The following DVL2 variants were observed in gnomAD, a reference collection of about 807,000 sequenced individuals.
The protein encoded by DVL2 is dishevelled segment polarity protein 2.
A neutral mutation model predicts 69.8 loss-of-function variants in DVL2; 38 were observed. That is an observed-to-expected ratio of 0.54 (90% CI 0.42 to 0.71). The LOEUF is 0.71. Among genes scored for constraint, DVL2 ranks in the 30% least tolerant of loss-of-function variants. The probability of loss-of-function intolerance (pLI) is 0.00; values close to 1 mark genes in which losing one functional copy is unlikely to be tolerated. For synonymous variants in DVL2, 428 were observed against 392.4 expected, an observed-to-expected ratio of 1.09 and a Z score of -1.07; for missense variants, 931 against 1,008.1, an observed-to-expected ratio of 0.92 and a Z score of 1.04.
At position 7,227,419 on chromosome 17, in the gene DVL2, G is replaced by A. The variant is rs2071473997; in HGVS notation, c.1348C>T (p.Pro450Ser). ...CCAGCCATACCCAGAAAGGCATTAG[G>A]GATGGTGATCTTGAGCCACATGCGG... ...RDRMWLKITI[P>S]NAFLGSDVVD... The change falls in exon 12 of 15, where the codon CCT becomes TCT. Residue 450 changes from proline to serine, a missense_variant. Physicochemically the swap from Pro to Ser is moderately conservative, Grantham distance 74. This residue lies in a region of DVL2 where 62 missense variants were observed against 105.7 expected (regional missense o/e 0.59). Coordinates refer to ENST00000005340, the MANE Select transcript of DVL2 (RefSeq NM_004422.3). The A allele has an allele frequency of 1.2e-6, 2 of 1,614,154 alleles. No individual in the cohort carries two copies. The highest frequency in any genetic ancestry group is 1.7e-6 in the Non-Finnish European group (2 of 1,180,006).
In DVL2 at chr17:7,229,342, C is replaced by T. The variant is rs2071505225; in HGVS notation, c.817+36G>A. 1 of 1,613,392 alleles carries T rather than the reference C, an allele frequency of 6.2e-7. No individual in the cohort carries two copies. Among genetic ancestry groups the T allele is most frequent in the African/African-American group, 1.3e-5 (1 of 74,900 alleles). ...GACGCCCGGAACCCTAGAGACCAGG[C>T]CCTCCCCACGCCCTAGCCACAGGCT... On this transcript the variant is annotated intron_variant, in intron 7 of 14. Coordinates refer to ENST00000005340, the MANE Select transcript of DVL2 (RefSeq NM_004422.3). This position sits in a 1 kb window ranked among gnomAD's most constrained non-coding sequence, Gnocchi z 4.4.
Position 7,229,095 on chromosome 17 carries a change from C to T in DVL2, c.957+40G>A, listed in dbSNP as rs746449794. The T allele has an allele frequency of 1.2e-4, 187 of 1,613,944 alleles. No homozygotes were observed. Among genetic ancestry groups the T allele is most frequent in the Non-Finnish European group, 1.4e-4 (170 of 1,179,988 alleles). On this transcript the variant is annotated intron_variant, in intron 8 of 14. Transcript: ENST00000005340. The surrounding 1 kb of genome is among the most constrained non-coding windows in gnomAD (Gnocchi z 4.4). Reference sequence around the variant, plus strand: ...GAGACACGGTGGGAGAGGCTGAGGGCCCCCGTGCAGGGCAGCTCAGTGGCC... The same window carrying T: ...GAGACACGGTGGGAGAGGCTGAGGGTCCCCGTGCAGGGCAGCTCAGTGGCC...
At chr17:7,230,653 T>C in intron 2 of DVL2, 75 bp downstream of exon 2, 1 of 1,488,594 alleles carries the variant, frequency 6.7e-7, no homozygotes, top group Non-Finnish European at 9.2e-7. Flanking sequence ...CTGGGGAGGA[T>C]ACAGAAACAG....
Position 7,227,159 on chromosome 17 carries a change from CG to C in DVL2, c.1473del (p.Val492SerfsTer25). ...TGCTCAGAGAAGGTGATCTTGTTGA[CG>C]GTGTGTCGGATCAGGCCTGCTTTGA... ...GLLKAGLIRH[T>X]VNKITFSEQC... On this transcript the variant is annotated frameshift_variant, in exon 13 of 15. Transcript: ENST00000005340. LOFTEE classifies it high-confidence loss of function. 1 of 1,614,148 alleles carries C rather than the reference CG, an allele frequency of 6.2e-7. No individual in the cohort carries two copies. Among genetic ancestry groups the C allele is most frequent in the Non-Finnish European group, 8.5e-7 (1 of 1,180,028 alleles).
Position 7,226,115 on chromosome 17 carries a change from C to T in DVL2, c.1961G>A (p.Gly654Asp), listed in dbSNP as rs148194418. Reference sequence around the variant, plus strand: ...TGGGTGGGCTCGGAGATTAGGGGCACCCCCAGTTGAGCCTCTGGATGGAGG... The same window carrying T: ...TGGGTGGGCTCGGAGATTAGGGGCATCCCCAGTTGAGCCTCTGGATGGAGG... ...GPPPSRGSTG[G>D]APNLRAHPGL... The change falls in exon 15 of 15, where the codon GGT (glycine) becomes GAT (aspartate). Residue 654 changes from glycine to aspartate, a missense_variant. Physicochemically the swap from Gly to Asp is moderately conservative, Grantham distance 94. Transcript: ENST00000005340. 1.9e-6 allele frequency: 3 copies of T among 1,597,750 alleles called. No individual in the cohort carries two copies. Among genetic ancestry groups the T allele is most frequent in the Non-Finnish European group, 2.6e-6 (3 of 1,171,418 alleles).
intron 13 of DVL2, chr17:7,226,884 G>A: frequency 1.5e-6 from 1 of 652,882 alleles, no homozygotes. Context: ...GGTGGACACA[G>A]TCCTGCACCT....
intron 2 of DVL2, 134 bp downstream of exon 2, chr17:7,230,594 G>A: frequency 7.6e-7 from 1 of 1,321,554 alleles, no homozygotes; most frequent in Non-Finnish European, 1.1e-6. Context: ...CCTCTCGCCG[G>A]CTCTCCAAAC....
rs1325957437 is a variant in DVL2, at chr17:7,234,424, C to CG, written c.-163dup. 9.7e-6 allele frequency: 8 copies of CG among 823,364 alleles called. No homozygotes were observed. The highest frequency in any genetic ancestry group is 3.9e-5 in the South Asian group (2 of 51,538). The allele number at this position is 823,364 out of a possible 1,614,324, so 51.0% of individuals were successfully genotyped here. A position where few individuals can be genotyped will look rare whatever the true frequency, so the allele number is the denominator to read the frequency against. On this transcript the variant is annotated 5_prime_UTR_variant, in exon 1 of 15. Coordinates refer to ENST00000005340, the MANE Select transcript of DVL2 (RefSeq NM_004422.3). Reference sequence around the variant, plus strand: ...AAGCACGGATCTGCGAGGGTGGCGGCGGGGGGCGGGCCGCGGGGTGCGACT... The same window carrying CG: ...AAGCACGGATCTGCGAGGGTGGCGGCGGGGGGGCGGGCCGCGGGGTGCGACT...
chr17:7,231,560 T>C (rs1249132292), intron 1 of DVL2, among the ~76,000 whole-genome samples: 2 of 151,448 alleles, frequency 1.3e-5, no homozygotes, highest in African/African-American at 4.9e-5. Context: ...TGTCCTTTCT[T>C]GAGTAAAAAC....
rs1477467720 is a variant in DVL2 at position 7,230,123 on chromosome 17, T to A, written c.443A>T (p.Glu148Val). ...TACTGACTCGGTTTCTGTCTCAGGC[T>A]CCAGATTCTCATGGCTGCTGGACAC... is the stretch of plus-strand genomic sequence containing the variant. ...PNVSSSHENL[E>V]PETETESVVS... The change falls in exon 4 of 15, where the codon GAG (glutamate) becomes GTG (valine). Residue 148 changes from glutamate (E) to valine (V), a missense_variant. Coordinates refer to ENST00000005340, the MANE Select transcript of DVL2 (RefSeq NM_004422.3). 1 of 1,614,048 alleles carries A rather than the reference T, an allele frequency of 6.2e-7. No individual in the cohort carries two copies. Among genetic ancestry groups the A allele is most frequent in the African/African-American group, 1.3e-5 (1 of 74,924 alleles).
intron 1 of DVL2, among the ~76,000 whole-genome samples, chr17:7,233,506 C>A (rs191661192): frequency 6.6e-6 from 1 of 152,194 alleles, no homozygotes; most frequent in Non-Finnish European, 1.5e-5. Context: ...TGCAGTGGCG[C>A]GATCTCGGCT....
intron 1 of DVL2, among the ~76,000 whole-genome samples, chr17:7,232,665 C>T (rs2071560148): frequency 6.6e-6 from 1 of 152,186 alleles, no homozygotes. Flanking sequence ...AAAAACCTTG[C>T]CTTAAAGCCA....
rs1330117440 is a variant in DVL2 at position 7,227,694 on chromosome 17, A to C, written c.1192T>G (p.Ser398Ala). ...GATCCAGATGTAATGGTGCTCATGG[A>C]GGAGGAACCTGGATAGGCTGGGAAG... ...GTFPAYPGSSSMSTITSGSSL... is the reference protein window; with the variant it reads ...GTFPAYPGSSAMSTITSGSSL... The change falls in exon 11 of 15, where the codon TCC becomes GCC. Residue 398 changes from serine to alanine, a missense_variant. By Grantham distance (99) the Ser-to-Ala change is moderately conservative (BLOSUM62 1). Transcript: ENST00000005340. The C allele has an allele frequency of 2.5e-6, 4 of 1,613,572 alleles. No individual in the cohort carries two copies. Among genetic ancestry groups the C allele is most frequent in the Non-Finnish European group, 2.5e-6 (3 of 1,179,788 alleles).
Position 7,234,393 on chromosome 17 carries a change from G to A in DVL2, c.-131C>T, listed in dbSNP as rs1445794501. On this transcript the variant is annotated 5_prime_UTR_variant, in exon 1 of 15. Transcript: ENST00000005340. ...GACCCAGTACGGGAGAGAAGCAAAG[G>A]GGAAAAAGCACGGATCTGCGAGGGT... 6.5e-6 allele frequency: 7 copies of A among 1,081,152 alleles called. No homozygotes were observed. The East Asian group carries it at 1.4e-4, about 21-fold the overall frequency. The allele number at this position is 1,081,152 out of a possible 1,614,324, so 67.0% of individuals were successfully genotyped here. A position where few individuals can be genotyped will look rare whatever the true frequency, so the allele number is the denominator to read the frequency against.
In DVL2 at chr17:7,227,849, G is replaced by A; in HGVS notation, c.1103-66C>T. ...CCAAAAGCCAGCCCAGTCCCTCCCT[G>A]ACTCAGCCTCCTGTTCCACCTCTGC... is the stretch of plus-strand genomic sequence containing the variant. On this transcript the variant is annotated intron_variant, in intron 10 of 14. Transcript: ENST00000005340. 5 of 1,557,092 alleles carry A rather than the reference G, an allele frequency of 3.2e-6. No individual in the cohort carries two copies. In the South Asian group the frequency reaches 5.9e-5, roughly 18 times the overall value.
intron 1 of DVL2, 74 bp downstream of exon 1, chr17:7,233,995 G>T: frequency 6.6e-7 from 1 of 1,516,748 alleles, no homozygotes; most frequent in South Asian, 1.1e-5. Flanking sequence ...GCCCAAAGTA[G>T]ACGTGTGCCC....
rs377004059 is a variant in DVL2 at position 7,232,652 on chromosome 17, T to C, written c.194+1417A>G. 3.3e-5 allele frequency among the ~76,000 whole-genome samples: 5 copies of C among 152,292 alleles called. No homozygotes were observed. In the East Asian group the frequency reaches 9.6e-4, roughly 29 times the overall value. Reference sequence around the variant, plus strand: ...TGTCCAAGATTACATTGCTGACAACTAGAAAAACCTTGCCTTAAAGCCAAG... The same window carrying C: ...TGTCCAAGATTACATTGCTGACAACCAGAAAAACCTTGCCTTAAAGCCAAG... On this transcript the variant is annotated intron_variant, in intron 1 of 14. Transcript: ENST00000005340.
Position 7,234,430 on chromosome 17 carries a change from G to T in DVL2, c.-168C>A, listed in dbSNP as rs549419984. 37 of 791,392 alleles carry T rather than the reference G, an allele frequency of 4.7e-5. No individual in the cohort carries two copies. The highest frequency in any genetic ancestry group is 5.9e-5 in the South Asian group (3 of 51,114). 49.0% of individuals were successfully genotyped at this position (791,392 alleles called of 1,614,324 possible). On this transcript the variant is annotated 5_prime_UTR_variant, in exon 1 of 15. Transcript: ENST00000005340. Reference sequence around the variant, plus strand: ...GGATCTGCGAGGGTGGCGGCGGGGGGCGGGCCGCGGGGTGCGACTCAAAGC... The same window carrying T: ...GGATCTGCGAGGGTGGCGGCGGGGGTCGGGCCGCGGGGTGCGACTCAAAGC...
In DVL2 at chr17:7,229,763, C is replaced by G. The variant is rs748743901; in HGVS notation, c.656+45G>C. ...AAGAACAAGAGGATTGACTGGAAGA[C>G]GAGACGGGGCTGGGTGCGCTGGGGA... On this transcript the variant is annotated intron_variant, in intron 5 of 14. Transcript: ENST00000005340. This position sits in a 1 kb window ranked among gnomAD's most constrained non-coding sequence, Gnocchi z 4.4. 2.3e-5 allele frequency: 37 copies of G among 1,590,676 alleles called. No individual in the cohort carries two copies. The highest frequency in any genetic ancestry group is 3.2e-5 in the Non-Finnish European group (37 of 1,164,410).
Sources: allele counts gnomAD v4.1 joint callset (sites outside exome capture counted in the v4.1 genomes callset), GRCh38; gene constraint gnomAD v4.1.1; regional missense constraint gnomAD v4.1.1; non-coding constraint Gnocchi (gnomAD v3.1); transcripts MANE v1.5; gene names NCBI Gene and HGNC (gene_info 2026-07-23, HGNC 2026-07-21).